Variants in DPP6 observed in about 807,000 individuals in gnomAD.
The protein encoded by DPP6 is A-type potassium channel modulatory protein DPP6.
A neutral mutation model predicts 122.6 loss-of-function variants in DPP6; 69 were observed. That is an observed-to-expected ratio of 0.56 (90% CI 0.46 to 0.69). DPP6 has a LOEUF of 0.69. Ranked by LOEUF, DPP6 falls within the 30% of genes least tolerant of loss-of-function variation. DPP6 has a pLI of 0.00. For synonymous variants in DPP6, 418 were observed against 433.1 expected (o/e 0.97, Z 0.43); for missense variants, 928 against 1,116.9 (o/e 0.83, Z 2.41).
rs755587649 is a variant in DPP6, at chr7:154,486,555, A to G, written c.457+11518A>G. 3.9e-5 allele frequency among the ~76,000 whole-genome samples: 6 copies of G among 152,226 alleles called. No homozygotes were observed. The highest frequency in any genetic ancestry group is 8.8e-5 in the Non-Finnish European group (6 of 68,042). On this transcript the variant is annotated intron_variant, in intron 3 of 25. Coordinates refer to ENST00000377770, the MANE Select transcript of DPP6 (RefSeq NM_130797.4). This position sits in a 1 kb window ranked among gnomAD's most constrained non-coding sequence, Gnocchi z 4.5. The stretch of plus-strand genomic sequence containing the variant: ...TCACTTCTCTGCTTCAGAAAGTCTC[A>G]TTAATCCTCATGGCTTGACCCAAAA...
intron 1 of DPP6, among the ~76,000 whole-genome samples, chr7:154,266,904 G>A (rs1803457444): frequency 6.6e-6 from 1 of 152,270 alleles, no homozygotes; most frequent in African/African-American, 2.4e-5. Context: ...TGGTTTCAGA[G>A]TGCACATTAC....
At chr7:153,920,353 T>G (rs1278870331) in intron 1 of DPP6, among the ~76,000 whole-genome samples, 1 of 152,132 alleles carries the variant, frequency 6.6e-6, no homozygotes, top group Non-Finnish European at 1.5e-5. Context: ...TCCAAAGTGC[T>G]AAAGAATCTT....
At chr7:154,280,228 G>A (rs1804414587) in intron 1 of DPP6, among the ~76,000 whole-genome samples, 1 of 152,138 alleles carries the variant, frequency 6.6e-6, no homozygotes, top group Non-Finnish European at 1.5e-5. Flanking sequence ...GTGTTCTTGA[G>A]TATTGGACTA....
intron 3 of DPP6, among the ~76,000 whole-genome samples, chr7:154,533,190 A>G (rs1433665686): frequency 6.6e-6 from 1 of 152,170 alleles, no homozygotes; most frequent in East Asian, 1.9e-4. Context: ...AGTTTCCCAT[A>G]TCACATAAAA....
intron 1 of DPP6, among the ~76,000 whole-genome samples, chr7:154,404,821 G>T (rs1815934603): frequency 6.6e-6 from 1 of 152,074 alleles, no homozygotes; most frequent in African/African-American, 2.4e-5. Flanking sequence ...CTCTGATACA[G>T]AAATTCCACG....
At chr7:154,222,934 C>A (rs1281077226) in intron 1 of DPP6, among the ~76,000 whole-genome samples, 3 of 148,766 alleles carry the variant, frequency 2.0e-5, no homozygotes, top group African/African-American at 7.7e-5. Context: ...TGTTGGTGTT[C>A]TTCATGTAGG....
At chr7:154,749,214 G>A (rs12669782) in intron 8 of DPP6, among the ~76,000 whole-genome samples, 22,723 of 38,100 alleles carry the variant, frequency 0.6, 7,361 homozygotes, top group Non-Finnish European at 0.64. Context: ...AGAGGGTGAG[G>A]GAGCATAGGA....
At chr7:154,023,318 G>GCACGCACGCACACACACACACA (rs373378162) in intron 1 of DPP6, among the ~76,000 whole-genome samples, 3 of 129,528 alleles carry the variant, frequency 2.3e-5, no homozygotes, top group South Asian at 2.7e-4. Flanking sequence ...TTTCTTGTCT[G>GCACGCACGCACACACACACACA]CACACACACA....
chr7:154,590,019 G>A (rs975085707), intron 5 of DPP6, among the ~76,000 whole-genome samples: 3 of 152,190 alleles, frequency 2.0e-5, no homozygotes, highest in Admixed American at 6.5e-5. Flanking sequence ...TTATGACTGT[G>A]GATGGGAAGA....
chr7:154,036,019 CTTGTGT>C (rs1255545039), intron 1 of DPP6, among the ~76,000 whole-genome samples: 11,141 of 148,328 alleles, frequency 0.075, 1,016 homozygotes, highest in African/African-American at 0.2. Context: ...CGCGCGCGCG[CTTGTGT>C]GTGTGTGTGT....
Position 154,769,476 on chromosome 7 carries a change from T to C in DPP6, c.943T>C (p.Tyr315His). The C allele has an allele frequency of 6.2e-7, 1 of 1,613,808 alleles. No individual in the cohort carries two copies. The highest frequency in any genetic ancestry group is 8.5e-7 in the Non-Finnish European group (1 of 1,179,864). The change falls in exon 9 of 26, where the codon TAC (tyrosine) becomes CAC (histidine). Residue 315 changes from tyrosine to histidine, a missense_variant. Physicochemically the swap from Tyr to His is moderately conservative, Grantham distance 83 (BLOSUM62 2). Transcript: ENST00000377770. ...GTCTCCGGATGGCACGAGACTCGCCTACGCCGCCATCAATGATTCCCGTGT... is the reference window on the plus strand; with the variant it reads ...GTCTCCGGATGGCACGAGACTCGCCCACGCCGCCATCAATGATTCCCGTGT... ...WWSPDGTRLAYAAINDSRVPI... is the reference protein window; with the variant it reads ...WWSPDGTRLAHAAINDSRVPI...
At chr7:154,189,064 G>C (rs1798489076) in intron 1 of DPP6, among the ~76,000 whole-genome samples, 1 of 152,152 alleles carries the variant, frequency 6.6e-6, no homozygotes, top group Non-Finnish European at 1.5e-5. Flanking sequence ...GTTGTCTATA[G>C]GTCTCCTTCT....
intron 7 of DPP6, among the ~76,000 whole-genome samples, chr7:154,696,082 C>T (rs185092340): frequency 3.9e-4 from 60 of 152,340 alleles, no homozygotes; most frequent in Middle Eastern, 3.4e-3. Context: ...GGACTCCATG[C>T]CGGGCGCTGA....
rs990269191 is a variant in DPP6 at position 154,624,571 on chromosome 7, C to T, written c.628-13250C>T. Reference sequence around the variant, plus strand: ...GATGTCAGGGCTCAGCATCTGCTTCCGAAGTTGTCACCAGGCATTTGTTCA... The same window carrying T: ...GATGTCAGGGCTCAGCATCTGCTTCTGAAGTTGTCACCAGGCATTTGTTCA... On this transcript the variant is annotated intron_variant, in intron 5 of 25. Transcript: ENST00000377770. This position sits in a 1 kb window ranked among gnomAD's most constrained non-coding sequence, Gnocchi z 4.7. Among the ~76,000 whole-genome samples the T allele has an allele frequency of 2.0e-5, 3 of 152,116 alleles. No individual in the cohort carries two copies. Among genetic ancestry groups the T allele is most frequent in the African/African-American group, 4.8e-5 (2 of 41,434 alleles).
At chr7:154,724,967 A>G (rs1841995755) in intron 7 of DPP6, among the ~76,000 whole-genome samples, 1 of 152,182 alleles carries the variant, frequency 6.6e-6, no homozygotes, top group African/African-American at 2.4e-5. Flanking sequence ...TTTTTTCAAT[A>G]GCTTTCTGAG....
At chr7:154,663,130 G>C (rs113718887) in intron 6 of DPP6, among the ~76,000 whole-genome samples, 5 of 65,886 alleles carry the variant, frequency 7.6e-5, no homozygotes, top group Non-Finnish European at 1.2e-4. Flanking sequence ...CATATTGGCC[G>C]TAGTGTTCAC....
At chr7:154,710,470 C>T (rs533743804) in intron 7 of DPP6, among the ~76,000 whole-genome samples, 1 of 152,304 alleles carries the variant, frequency 6.6e-6, no homozygotes, top group Admixed American at 6.5e-5. Flanking sequence ...ATCTTTCAGA[C>T]ACAGCTGGTA....
intron 22 of DPP6, among the ~76,000 whole-genome samples, chr7:154,886,279 C>T (rs1806142630): frequency 1.3e-5 from 2 of 152,242 alleles, no homozygotes; most frequent in African/African-American, 4.8e-5. Flanking sequence ...ATGCAAATGG[C>T]ACCTGGTCAG....
intron 9 of DPP6, among the ~76,000 whole-genome samples, chr7:154,771,315 G>C (rs1796237023): frequency 6.6e-6 from 1 of 152,228 alleles, no homozygotes. Context: ...AGTTTTGGCA[G>C]CTGGAAGTCC....
Sources: allele counts gnomAD v4.1 joint callset (sites outside exome capture counted in the v4.1 genomes callset), GRCh38; gene constraint gnomAD v4.1.1; non-coding constraint Gnocchi (gnomAD v3.1); transcripts MANE v1.5; gene names NCBI Gene and HGNC (gene_info 2026-07-23, HGNC 2026-07-21).